The following TLL1 variants were observed in gnomAD, a reference collection of about 807,000 sequenced individuals.
TLL1 encodes tolloid-like protein 1.
Under a neutral mutation model 128.2 loss-of-function variants are expected in TLL1, and 49 were observed. That is an observed-to-expected ratio of 0.38 (90% confidence interval 0.30 to 0.48). TLL1 has a LOEUF of 0.48. Among genes scored for constraint, TLL1 ranks in the 20% least tolerant of loss-of-function variants. The probability of loss-of-function intolerance (pLI) is 0.96; values close to 1 mark genes in which losing one functional copy is unlikely to be tolerated. For synonymous variants in TLL1, 454 were observed against 418.8 expected, an observed-to-expected ratio of 1.08 and a Z score of -1.03; for missense variants, 1,123 against 1,242.0, an observed-to-expected ratio of 0.90 and a Z score of 1.44.
intron 8 of TLL1, among the ~76,000 whole-genome samples, chr4:166,024,229 TATATC>T (rs1326007263): frequency 5.3e-5 from 8 of 152,228 alleles, no homozygotes; most frequent in Non-Finnish European, 1.0e-4. Context: ...AATAAACATT[TATATC>T]ATATCTATTT....
In TLL1 at chr4:166,025,331, T is replaced by A. The variant is rs2111069345; in HGVS notation, c.1058T>A (p.Leu353Gln). The A allele has an allele frequency of 6.2e-7, 1 of 1,612,930 alleles. No individual in the cohort carries two copies. Among genetic ancestry groups the A allele is most frequent in the East Asian group, 2.2e-5 (1 of 44,836 alleles). ...TTCCTTTCAGCATGTGGAGAAACTC[T>A]ACAAGAATCCAATGGCAACCTTTCC... ...LYRCPACGET[L>Q]QESNGNLSSP... The change falls in exon 9 of 21, where the codon CTA becomes CAA. Residue 353 changes from leucine (L) to glutamine (Q), a missense_variant. This residue lies in a region of TLL1 where 480 missense variants were observed against 542.4 expected (regional missense o/e 0.89). Transcript: ENST00000061240.
At position 166,091,476 on chromosome 4, in the gene TLL1, A is replaced by G. The variant is rs547415019; in HGVS notation, c.2656+135A>G. 9.5e-6 allele frequency: 7 copies of G among 738,782 alleles called. No individual in the cohort carries two copies. In the East Asian group the frequency reaches 1.9e-4, roughly 20 times the overall value. The allele number at this position is 738,782 out of a possible 1,614,324, so 45.8% of individuals were successfully genotyped here. On this transcript the variant is annotated intron_variant, in intron 19 of 20. Transcript: ENST00000061240. ...AAAATTTCACTGAAGCACTTTGTGA[A>G]ATATTTGCAGAACCATACAGCATCC...
At chr4:166,042,542 C>T (rs774013423) in intron 11 of TLL1, among the ~76,000 whole-genome samples, 10 of 152,048 alleles carry the variant, frequency 6.6e-5, no homozygotes, top group Non-Finnish European at 1.2e-4. Flanking sequence ...GTAATTGTGC[C>T]GATTTCTGAG....
intron 16 of TLL1, among the ~76,000 whole-genome samples, chr4:166,068,181 G>A (rs1336427177): frequency 6.6e-6 from 1 of 151,706 alleles, no homozygotes; most frequent in East Asian, 1.9e-4. Context: ...AATTTCCTGG[G>A]AGTTTCTGTT....
At chr4:166,004,378 CTT>C (rs1474277422) in intron 6 of TLL1, among the ~76,000 whole-genome samples, 2 of 152,026 alleles carry the variant, frequency 1.3e-5, no homozygotes, top group East Asian at 3.9e-4. Context: ...ATACTGATCT[CTT>C]TATTTGCTCA....
intron 1 of TLL1, among the ~76,000 whole-genome samples, chr4:165,880,954 T>G (rs1210616175): frequency 6.6e-6 from 1 of 152,188 alleles, no homozygotes; most frequent in Non-Finnish European, 1.5e-5. Flanking sequence ...TGGGATAATC[T>G]CAGTTTCTTG....
chr4:166,029,765 CT>C (rs1319868605), intron 9 of TLL1, among the ~76,000 whole-genome samples: 7 of 152,124 alleles, frequency 4.6e-5, no homozygotes, highest in Admixed American at 2.0e-4. Context: ...GTATTTGTCC[CT>C]TTGTGACTGG....
At chr4:165,975,795 T>C (rs1288261098) in intron 1 of TLL1, among the ~76,000 whole-genome samples, 3 of 152,112 alleles carry the variant, frequency 2.0e-5, no homozygotes, top group African/African-American at 7.2e-5. Flanking sequence ...CTCAGCACTT[T>C]GGGAGGCTGA....
intron 1 of TLL1, among the ~76,000 whole-genome samples, chr4:165,964,503 G>A (rs1310633273): frequency 1.3e-5 from 2 of 152,244 alleles, no homozygotes; most frequent in East Asian, 1.9e-4. Flanking sequence ...GCAGATCTGG[G>A]TTCCTCCAGC....
At chr4:166,029,865 C>A (rs1738678162) in intron 9 of TLL1, among the ~76,000 whole-genome samples, 1 of 151,976 alleles carries the variant, frequency 6.6e-6, no homozygotes, top group African/African-American at 2.4e-5. Flanking sequence ...TGTATGAATA[C>A]ACATTTTCTT....
intron 1 of TLL1, among the ~76,000 whole-genome samples, chr4:165,885,306 T>C (rs1000622513): frequency 6.6e-6 from 1 of 151,962 alleles, no homozygotes; most frequent in Non-Finnish European, 1.5e-5. Flanking sequence ...AATCCTGGTG[T>C]CTCTGACATC....
chr4:166,047,916 C>G (rs545614697), intron 12 of TLL1, among the ~76,000 whole-genome samples: 1 of 151,962 alleles, frequency 6.6e-6, no homozygotes, highest in Non-Finnish European at 1.5e-5. Context: ...GAGTGGAGCC[C>G]TCATGAATGA....
At chr4:165,936,217 TTTTTTC>T (rs1197155597) in intron 1 of TLL1, among the ~76,000 whole-genome samples, 1 of 138,814 alleles carries the variant, frequency 7.2e-6, no homozygotes, top group African/African-American at 2.6e-5. Context: ...TTTTTTTTTC[TTTTTTC>T]TTTTTTTTTT....
chr4:165,882,758 A>C (rs1731016335), intron 1 of TLL1, among the ~76,000 whole-genome samples: 1 of 152,016 alleles, frequency 6.6e-6, no homozygotes, highest in Non-Finnish European at 1.5e-5. Context: ...AGCTGGGATT[A>C]CAGGCATGCG....
Position 166,014,614 on chromosome 4 carries a change from G to T in TLL1, c.1042+54G>T. ...GACTGTACTTGATTGTGCTCTTCCA[G>T]ATGAATAAGCCATGATTTACTCAAC... On this transcript the variant is annotated intron_variant, in intron 8 of 20. Coordinates refer to ENST00000061240, the MANE Select transcript of TLL1 (RefSeq NM_012464.5). 1.0e-5 allele frequency: 16 copies of T among 1,604,432 alleles called. No homozygotes were observed. In the South Asian group the frequency reaches 1.7e-4, roughly 17 times the overall value.
At chr4:165,973,181 T>C (rs139403508) in intron 1 of TLL1, among the ~76,000 whole-genome samples, 1 of 152,206 alleles carries the variant, frequency 6.6e-6, no homozygotes, top group Non-Finnish European at 1.5e-5. Context: ...CGATAGGCCA[T>C]CTGCAAGCTA....
At chr4:166,043,126 A>G (rs1389082055) in intron 11 of TLL1, 148 bp from the exon 12 acceptor site, 1 of 947,656 alleles carries the variant, frequency 1.1e-6, no homozygotes, top group Middle Eastern at 3.3e-4. Context: ...AATATTTGCT[A>G]CATTACAACC....
At chr4:166,100,598 A>C in intron 20 of TLL1, 144 bp from the exon 21 acceptor site, 1 of 1,066,132 alleles carries the variant, frequency 9.4e-7, no homozygotes, top group Non-Finnish European at 1.4e-6. Context: ...AAAGTGAAGA[A>C]GTTGATTACA....
chr4:166,076,273 A>G (rs1741018737), intron 17 of TLL1, among the ~76,000 whole-genome samples: 1 of 152,080 alleles, frequency 6.6e-6, no homozygotes. Flanking sequence ...GGTTTTTGCC[A>G]TGTTGCCCAG....
Sources: gnomAD v4.1 joint callset for allele counts (sites outside exome capture counted in the v4.1 genomes callset) on GRCh38, gnomAD v4.1.1 for gene constraint, gnomAD v4.1.1 regional missense constraint, MANE v1.5 for transcripts, NCBI Gene and HGNC (gene_info 2026-07-23, HGNC 2026-07-21) for gene names.